Variants in ASIC2 observed in about 807,000 individuals in gnomAD.
ASIC2 encodes acid sensing ion channel subunit 2, also known as acid-sensing ion channel 2.
Under a neutral mutation model 57.3 loss-of-function variants are expected in ASIC2, and 25 were observed. That is an observed-to-expected ratio of 0.44 (90% confidence interval 0.32 to 0.61). ASIC2 has a LOEUF of 0.61. Ranked by LOEUF, ASIC2 falls within the 20% of genes least tolerant of loss-of-function variation. ASIC2 has a pLI of 0.06. For missense variants in ASIC2, 641 were observed against 738.1 expected, an observed-to-expected ratio of 0.87 and a Z score of 1.52; for synonymous variants, 319 against 307.5, an observed-to-expected ratio of 1.04 and a Z score of -0.39.
intron 1 of ASIC2, among the ~76,000 whole-genome samples, chr17:33,688,120 A>T (rs1908252663): frequency 6.6e-6 from 1 of 152,166 alleles, no homozygotes; most frequent in Non-Finnish European, 1.5e-5. Flanking sequence ...GGTTAATTGG[A>T]ACATTTTGCA....
intron 1 of ASIC2, among the ~76,000 whole-genome samples, chr17:33,247,546 C>T (rs1006134591): frequency 5.3e-5 from 8 of 152,104 alleles, no homozygotes; most frequent in African/African-American, 1.4e-4. Flanking sequence ...TTGGAGGAAG[C>T]GTTTCCAGGG....
intron 1 of ASIC2, among the ~76,000 whole-genome samples, chr17:33,527,240 G>T (rs1487129361): frequency 1.3e-5 from 2 of 152,124 alleles, no homozygotes; most frequent in African/African-American, 2.4e-5. Context: ...TAAGGAAAGA[G>T]AATTTCTTAC....
At chr17:33,994,918 A>G (rs1233808293) in intron 1 of ASIC2, among the ~76,000 whole-genome samples, 2 of 152,204 alleles carry the variant, frequency 1.3e-5, no homozygotes, top group Non-Finnish European at 2.9e-5. Context: ...ATGAGATTTC[A>G]AATATTGCTC....
intron 1 of ASIC2, among the ~76,000 whole-genome samples, chr17:33,596,992 G>C (rs919345505): frequency 6.6e-6 from 1 of 152,222 alleles, no homozygotes; most frequent in Non-Finnish European, 1.5e-5. Context: ...GTCACAGCTG[G>C]TGCTCTACAA....
chr17:33,699,173 T>C (rs989959379), intron 1 of ASIC2, among the ~76,000 whole-genome samples: 1 of 152,140 alleles, frequency 6.6e-6, no homozygotes, highest in East Asian at 1.9e-4. Context: ...GGTTCTCTCC[T>C]CACAAGGACT....
At chr17:33,299,339 A>G (rs1905853924) in intron 1 of ASIC2, among the ~76,000 whole-genome samples, 1 of 152,308 alleles carries the variant, frequency 6.6e-6, no homozygotes, top group South Asian at 2.1e-4. Context: ...TATAGCATCT[A>G]AGCAAATGTC....
chr17:33,020,726 C>G (rs2091832020), intron 7 of ASIC2, among the ~76,000 whole-genome samples: 1 of 152,150 alleles, frequency 6.6e-6, no homozygotes, highest in Admixed American at 6.5e-5. Flanking sequence ...GTCCAGGGGG[C>G]AACACCTGGC....
intron 1 of ASIC2, among the ~76,000 whole-genome samples, chr17:33,324,272 A>G (rs996558692): frequency 6.6e-6 from 1 of 151,552 alleles, no homozygotes; most frequent in African/African-American, 2.4e-5. Context: ...CAGAAGCAGA[A>G]CAAGGTTATG....
intron 1 of ASIC2, chr17:34,071,234 A>T (rs1275189429): frequency 6.6e-6 from 1 of 152,146 alleles, no homozygotes; most frequent in Non-Finnish European, 1.5e-5. Context: ...TAGGGGCCGC[A>T]GGGATGTAGG....
intron 1 of ASIC2, among the ~76,000 whole-genome samples, chr17:33,158,353 G>A (rs961573625): frequency 6.6e-6 from 1 of 152,152 alleles, no homozygotes; most frequent in Non-Finnish European, 1.5e-5. Flanking sequence ...TCTGAGCAGC[G>A]GCTAGTGAAA....
At chr17:33,515,743 C>T (rs1475140522) in intron 1 of ASIC2, among the ~76,000 whole-genome samples, 1 of 152,212 alleles carries the variant, frequency 6.6e-6, no homozygotes, top group East Asian at 1.9e-4. Flanking sequence ...CTTCAATAGT[C>T]CCAGATGCCC....
At chr17:33,781,640 A>G (rs1410118565) in intron 1 of ASIC2, among the ~76,000 whole-genome samples, 1 of 152,174 alleles carries the variant, frequency 6.6e-6, no homozygotes, top group Admixed American at 6.5e-5. Flanking sequence ...CCTGCTCCAC[A>G]TAGAATTAAA....
intron 3 of ASIC2, chr17:33,052,741 C>T (rs1048829603): frequency 1.3e-5 from 2 of 152,146 alleles, no homozygotes; most frequent in Non-Finnish European, 2.9e-5. Context: ...ATGCCATGTG[C>T]TAACAGTGAG....
intron 1 of ASIC2, among the ~76,000 whole-genome samples, chr17:33,380,548 A>C (rs1413706513): frequency 6.6e-6 from 1 of 152,198 alleles, no homozygotes; most frequent in Non-Finnish European, 1.5e-5. Flanking sequence ...ATCTGTCTCC[A>C]GATGTTTTAC....
At chr17:33,935,706 T>G (rs1916043282) in intron 1 of ASIC2, 1 of 152,200 alleles carries the variant, frequency 6.6e-6, no homozygotes, top group Admixed American at 6.5e-5. Flanking sequence ...GGGGTCATAC[T>G]TTTTGTAAAC....
intron 2 of ASIC2, among the ~76,000 whole-genome samples, chr17:33,094,162 G>A (rs1247016012): frequency 6.6e-6 from 1 of 152,182 alleles, no homozygotes; most frequent in Non-Finnish European, 1.5e-5. Flanking sequence ...TGTCTTGATG[G>A]ACTCTGTTGC....
intron 1 of ASIC2, among the ~76,000 whole-genome samples, chr17:33,374,275 G>T (rs1909195060): frequency 6.6e-6 from 1 of 152,262 alleles, no homozygotes; most frequent in South Asian, 2.1e-4. Flanking sequence ...GGGATTACAG[G>T]TGTGAGCCAC....
In ASIC2 at chr17:34,123,617, T is replaced by A. The variant is rs1254866260; in HGVS notation, c.555+32361A>T. Among the ~76,000 whole-genome samples the A allele has an allele frequency of 2.0e-5, 3 of 152,328 alleles. 1 individual carries two copies. In the South Asian group the frequency reaches 6.2e-4, roughly 32 times the overall value. On this transcript the variant is annotated intron_variant, in intron 1 of 9. Coordinates refer to the ASIC2 transcript ENST00000359872. Reference sequence around the variant, plus strand: ...GCCTGGAGTCTACAACCAGATAGTCTAGGTCCAAATCCAGCAGCTGTCACT... The same window carrying A: ...GCCTGGAGTCTACAACCAGATAGTCAAGGTCCAAATCCAGCAGCTGTCACT...
intron 1 of ASIC2, among the ~76,000 whole-genome samples, chr17:34,138,748 C>T (rs1188429797): frequency 2.0e-5 from 3 of 152,170 alleles, no homozygotes; most frequent in Admixed American, 1.3e-4. Flanking sequence ...GAGTGGAGTC[C>T]TACCAACCTT....
Sources: allele counts gnomAD v4.1 joint callset (sites outside exome capture counted in the v4.1 genomes callset), GRCh38; gene constraint gnomAD v4.1.1; transcripts MANE v1.5; gene names NCBI Gene and HGNC (gene_info 2026-07-23, HGNC 2026-07-21).